The following CHST2 variants were observed in gnomAD, a reference collection of about 807,000 sequenced individuals.
CHST2 encodes N-acetylglucosamine 6-O-sulfotransferase 1.
In CHST2, 23 loss-of-function variants were observed where a neutral mutation model predicts 34.6. The ratio of observed to expected loss-of-function variants is 0.67; its 90% CI spans 0.48 to 0.94. The LOEUF is 0.94. Ranked by LOEUF, CHST2 falls within the 40% of genes least tolerant of loss-of-function variation. The pLI is 0.00. For missense variants in CHST2, 720 were observed against 759.5 expected, an observed-to-expected ratio of 0.95 and a Z score of 0.61; for synonymous variants, 392 against 343.1, an observed-to-expected ratio of 1.14 and a Z score of -1.58.
chr3:143,121,081 G>T lies in CHST2; in HGVS notation c.265G>T (p.Asp89Tyr). The change falls in exon 2 of 2, where the codon GAT becomes TAT. Residue 89 changes from aspartate to tyrosine, a missense_variant. Asp to Tyr is a radical substitution (Grantham distance 160, BLOSUM62 -3). This residue lies in a region of CHST2 where 287 missense variants were observed against 242.7 expected (regional missense o/e 1.18). Transcript: ENST00000309575. ...HKEPLQQCNP[D>Y]GPLGAAAGAA... is the part of the protein sequence containing the mutation. ...GGAGCCGCTGCAGCAGTGCAACCCC[G>T]ATGGGCCGCTGGGTGCCGCAGCGGG... 6.6e-7 allele frequency: 1 copy of T among 1,508,234 alleles called. No homozygotes were observed. The highest frequency in any genetic ancestry group is 8.8e-7 in the Non-Finnish European group (1 of 1,131,194). The allele number at this position is 1,508,234 out of a possible 1,614,324, so 93.4% of individuals were successfully genotyped here.
At position 143,122,518 on chromosome 3, in the gene CHST2, A is replaced by G. The variant is rs563568273; in HGVS notation, c.*109A>G. Reference sequence around the variant, plus strand: ...CAAACGGAGGAAGCCCACATATTCTATTATAGATATATAAATAATCACACA... The same window carrying G: ...CAAACGGAGGAAGCCCACATATTCTGTTATAGATATATAAATAATCACACA... On this transcript the variant is annotated 3_prime_UTR_variant, in exon 2 of 2. Coordinates refer to ENST00000309575, the MANE Select transcript of CHST2 (RefSeq NM_004267.5). The G allele has an allele frequency of 6.4e-5, 69 of 1,075,548 alleles. No homozygotes were observed. The highest frequency in any genetic ancestry group is 8.5e-5 in the Non-Finnish European group (66 of 772,226). 66.6% of individuals were successfully genotyped at this position (1,075,548 alleles called of 1,614,324 possible). A position where few individuals can be genotyped will look rare whatever the true frequency, so the allele number is the denominator to read the frequency against.
In CHST2 at chr3:143,121,945, G is replaced by T; in HGVS notation, c.1129G>T (p.Gly377Cys). The change falls in exon 2 of 2, where the codon GGC becomes TGC. Residue 377 changes from glycine (G) to cysteine (C), a missense_variant. This residue lies in a region of CHST2 where 224 missense variants were observed against 227.8 expected (regional missense o/e 0.98). Transcript: ENST00000309575. Reference sequence around the variant, plus strand: ...CTTGGAGGCCGCGGGCCACAAGCTTGGCGCCAAGAAGGAGGGCGTGGGCGG... The same window carrying T: ...CTTGGAGGCCGCGGGCCACAAGCTTTGCGCCAAGAAGGAGGGCGTGGGCGG... ...PFLEAAGHKL[G>C]AKKEGVGGPA... is the part of the protein sequence containing the mutation. 1.9e-6 allele frequency: 3 copies of T among 1,580,674 alleles called. No homozygotes were observed. The highest frequency in any genetic ancestry group is 2.6e-6 in the Non-Finnish European group (3 of 1,163,452).
rs529256196 is a variant in CHST2, at chr3:143,120,176, A to G, written c.-539A>G. The G allele has an allele frequency of 1.8e-3, 272 of 152,564 alleles. No homozygotes were observed. The highest frequency in any genetic ancestry group is 2.7e-3 in the Non-Finnish European group (182 of 68,304). The allele number at this position is 152,564 out of a possible 1,614,324, so 9.5% of individuals were successfully genotyped here. A position where few individuals can be genotyped will look rare whatever the true frequency, so the allele number is the denominator to read the frequency against. ...CGAAAGCGAGAGGGGCTGCGCCGCT[A>G]TGCCGGGAGCTGAGTCCCATATAAG... On this transcript the variant is annotated 5_prime_UTR_variant, in exon 1 of 2. The change abolishes an upstream ATG in the 5' untranslated region. Transcript: ENST00000309575. This position sits in a 1 kb window ranked among gnomAD's most constrained non-coding sequence, Gnocchi z 4.1.
At position 143,121,544 on chromosome 3, in the gene CHST2, A is replaced by C. The variant is rs749554644; in HGVS notation, c.728A>C (p.Asn243Thr). 6.2e-7 allele frequency: 1 copy of C among 1,610,112 alleles called. No individual in the cohort carries two copies. Among genetic ancestry groups the C allele is most frequent in the South Asian group, 1.1e-5 (1 of 90,752 alleles). ...LYSPAGSGGR[N>T]LTTLGIFGAA... ...AGCCCCGCGGGCAGCGGGGGGCGCA[A>C]CCTCACCACGCTGGGCATCTTCGGC... Residue 243 changes from asparagine (N) to threonine (T), a missense_variant, in exon 2 of 2, where the codon AAC becomes ACC. Asn to Thr is a moderately conservative substitution (Grantham distance 65). Coordinates refer to ENST00000309575, the MANE Select transcript of CHST2 (RefSeq NM_004267.5).
chr3:143,120,765 C>G lies in CHST2; in HGVS notation c.-52C>G. 8.3e-7 allele frequency: 1 copy of G among 1,204,578 alleles called. No individual in the cohort carries two copies. The highest frequency in any genetic ancestry group is 1.0e-6 in the Non-Finnish European group (1 of 971,604). 74.6% of individuals were successfully genotyped at this position (1,204,578 alleles called of 1,614,324 possible). ...AGCAGCCAGCCCGCTGCGTCCCCTT[C>G]CCGGGCTGCAGGGCTGCCTCCGCCG... On this transcript the variant is annotated 5_prime_UTR_variant, in exon 2 of 2. Transcript: ENST00000309575. The surrounding 1 kb of genome is among the most constrained non-coding windows in gnomAD (Gnocchi z 4.1).
Position 143,123,037 on chromosome 3 carries a change from C to T in CHST2, c.*628C>T, listed in dbSNP as rs1936253086. The T allele has an allele frequency of 6.0e-6, 1 of 165,664 alleles. No individual in the cohort carries two copies. 10.3% of individuals were successfully genotyped at this position (165,664 alleles called of 1,614,324 possible). ...CTCAGCTTCAGATAGAATCTCCTTC[C>T]CCTCCCTCGTTTCCATTTTTCCAGT... is the stretch of plus-strand genomic sequence containing the variant. On this transcript the variant is annotated 3_prime_UTR_variant, in exon 2 of 2. Transcript: ENST00000309575.
chr3:143,121,718 T>TAGTC lies in CHST2; in HGVS notation c.904_907dup (p.Ile303SerfsTer32). On this transcript the variant is annotated frameshift_variant, in exon 2 of 2. Coordinates refer to ENST00000309575, the MANE Select transcript of CHST2 (RefSeq NM_004267.5). LOFTEE classifies it high-confidence loss of function. ...GAGGAGTGCCGCAAGTACCGCACAC[T>TAGTC]AGTCATAAAGGGTGTGCGCGTCTTC... 6.3e-7 allele frequency: 1 copy of TAGTC among 1,593,630 alleles called. No individual in the cohort carries two copies. The highest frequency in any genetic ancestry group is 8.6e-7 in the Non-Finnish European group (1 of 1,168,438).
Position 143,122,129 on chromosome 3 carries a change from G to C in CHST2, c.1313G>C (p.Arg438Thr). The change falls in exon 2 of 2, where the codon AGA becomes ACA. Residue 438 changes from arginine to threonine, a missense_variant. This residue lies in a region of CHST2 where 224 missense variants were observed against 227.8 expected (regional missense o/e 0.98). Transcript: ENST00000309575. ...LVGDPVKTLR[R>T]VYDFVGLLVS... ...GGAGACCCCGTCAAGACACTACGGA[G>C]AGTGTACGATTTTGTGGGACTGTTG... 1 of 1,614,226 alleles carries C rather than the reference G, an allele frequency of 6.2e-7. No homozygotes were observed. The highest frequency in any genetic ancestry group is 1.1e-5 in the South Asian group (1 of 91,084).
chr3:143,121,995 C>T lies in CHST2; in HGVS notation c.1179C>T (p.Gly393=), dbSNP rs372053534. The T allele has an allele frequency of 8.1e-6, 13 of 1,605,606 alleles. No homozygotes were observed. Among genetic ancestry groups the T allele is most frequent in the Middle Eastern group, 3.3e-4 (2 of 6,028 alleles). Residue 393 remains glycine (G), a synonymous_variant, in exon 2 of 2, where the codon GGC becomes GGT. Transcript: ENST00000309575. ...VGGPADYHAL[G]AMEVICNSMA... Reference sequence around the variant, plus strand: ...GCCCCGCAGACTACCACGCTCTGGGCGCTATGGAGGTCATCTGCAATAGTA... The same window carrying T: ...GCCCCGCAGACTACCACGCTCTGGGTGCTATGGAGGTCATCTGCAATAGTA...
chr3:143,121,123 TG>T lies in CHST2; in HGVS notation c.312del (p.Arg105AlafsTer116). On this transcript the variant is annotated frameshift_variant, in exon 2 of 2. Coordinates refer to ENST00000309575, the MANE Select transcript of CHST2 (RefSeq NM_004267.5). LOFTEE classifies it high-confidence loss of function. Reference protein sequence around the residue: ...GAAAGAAGGSWGRPGPPPAGP... With the variant: ...GAAAGAAGGSXGRPGPPPAGP... ...CGCAGCGGGGGCAGCCGGAGGCAGCTGGGGGCGCCCAGGGCCGCCTCCGGCC... is the reference window on the plus strand; with the variant it reads ...CGCAGCGGGGGCAGCCGGAGGCAGCTGGGGCGCCCAGGGCCGCCTCCGGCC... 6.8e-7 allele frequency: 1 copy of T among 1,477,736 alleles called. No individual in the cohort carries two copies. The highest frequency in any genetic ancestry group is 8.9e-7 in the Non-Finnish European group (1 of 1,121,540). The allele number at this position is 1,477,736 out of a possible 1,614,324, so 91.5% of individuals were successfully genotyped here.
At position 143,123,711 on chromosome 3, in the gene CHST2, C is replaced by T. The variant is rs2108352454; in HGVS notation, c.*1302C>T. ...ATCATGTTTCCTAAAAGTAAATTTG[C>T]AAAGAAAGTAACATGCTGCAGACAG... On this transcript the variant is annotated 3_prime_UTR_variant, in exon 2 of 2. Transcript: ENST00000309575. 6.6e-6 allele frequency: 1 copy of T among 152,222 alleles called. No individual in the cohort carries two copies. Among genetic ancestry groups the T allele is most frequent in the East Asian group, 1.9e-4 (1 of 5,192 alleles). The allele number at this position is 152,222 out of a possible 1,614,324, so 9.4% of individuals were successfully genotyped here.
chr3:143,122,298 G>A lies in CHST2; in HGVS notation c.1482G>A (p.Gln494=), dbSNP rs1936237543. ...RTALTFQQIK[Q]VEEFCYQPMA... ...CCCTCACCTTCCAGCAGATCAAACAGGTGGAGGAGTTTTGCTACCAGCCCA... is the reference window on the plus strand; with the variant it reads ...CCCTCACCTTCCAGCAGATCAAACAAGTGGAGGAGTTTTGCTACCAGCCCA... The change falls in exon 2 of 2, where the codon CAG becomes CAA. Residue 494 remains glutamine (Q), a synonymous_variant. Coordinates refer to ENST00000309575, the MANE Select transcript of CHST2 (RefSeq NM_004267.5). The A allele has an allele frequency of 1.2e-6, 2 of 1,614,024 alleles. No homozygotes were observed. Among genetic ancestry groups the A allele is most frequent in the Non-Finnish European group, 8.5e-7 (1 of 1,180,038 alleles).
In CHST2 at chr3:143,120,745, C is replaced by T. The variant is rs1301845446; in HGVS notation, c.-72C>T. ...GCGGCCCGAGTCCCGGCGCCAGCAG[C>T]CAGCCCGCTGCGTCCCCTTCCCGGG... is the stretch of plus-strand genomic sequence containing the variant. On this transcript the variant is annotated 5_prime_UTR_variant, in exon 2 of 2. Coordinates refer to ENST00000309575, the MANE Select transcript of CHST2 (RefSeq NM_004267.5). The surrounding 1 kb of genome is among the most constrained non-coding windows in gnomAD (Gnocchi z 4.1). The T allele has an allele frequency of 1.7e-6, 2 of 1,186,230 alleles. No individual in the cohort carries two copies. The highest frequency in any genetic ancestry group is 2.1e-6 in the Non-Finnish European group (2 of 957,826). The allele number at this position is 1,186,230 out of a possible 1,614,324, so 73.5% of individuals were successfully genotyped here.
At position 143,121,768 on chromosome 3, in the gene CHST2, C is replaced by T; in HGVS notation, c.952C>T (p.Leu318=). The T allele has an allele frequency of 6.2e-7, 1 of 1,606,618 alleles. No individual in the cohort carries two copies. The highest frequency in any genetic ancestry group is 8.5e-7 in the Non-Finnish European group (1 of 1,176,544). Residue 318 remains leucine, a synonymous_variant, in exon 2 of 2, where the codon CTG becomes TTG. Coordinates refer to ENST00000309575, the MANE Select transcript of CHST2 (RefSeq NM_004267.5). The part of the protein sequence containing the change: ...VFDVAVLAPL[L]RDPALDLKVI... ...CGACGTGGCGGTCTTGGCGCCACTG[C>T]TGCGAGACCCGGCCCTGGACCTCAA... is the stretch of plus-strand genomic sequence containing the variant.
rs778914197 is a variant in CHST2 at position 143,121,551 on chromosome 3, C to T, written c.735C>T (p.Thr245=). 2 of 1,610,338 alleles carry T rather than the reference C, an allele frequency of 1.2e-6. No homozygotes were observed. The highest frequency in any genetic ancestry group is 4.5e-5 in the East Asian group (2 of 44,776). The change falls in exon 2 of 2, where the codon ACC becomes ACT. Residue 245 remains threonine, a synonymous_variant. Coordinates refer to ENST00000309575, the MANE Select transcript of CHST2 (RefSeq NM_004267.5). ...SPAGSGGRNL[T]TLGIFGAATN... ...CGGGCAGCGGGGGGCGCAACCTCAC[C>T]ACGCTGGGCATCTTCGGCGCAGCCA...
Position 143,122,307 on chromosome 3 carries a change from G to C in CHST2, c.1491G>C (p.Glu497Asp), listed in dbSNP as rs1936237698. The C allele has an allele frequency of 6.2e-7, 1 of 1,614,138 alleles. No homozygotes were observed. Among genetic ancestry groups the C allele is most frequent in the African/African-American group, 1.3e-5 (1 of 75,064 alleles). ...LTFQQIKQVEEFCYQPMAVLG... is the reference protein window; with the variant it reads ...LTFQQIKQVEDFCYQPMAVLG... ...TCCAGCAGATCAAACAGGTGGAGGA[G>C]TTTTGCTACCAGCCCATGGCCGTCC... is the stretch of plus-strand genomic sequence containing the variant. Residue 497 changes from glutamate to aspartate, a missense_variant, in exon 2 of 2, where the codon GAG (glutamate) becomes GAC (aspartate). By Grantham distance (45) the Glu-to-Asp change is conservative. Transcript: ENST00000309575.
chr3:143,123,963 A>G lies in CHST2; in HGVS notation c.*1554A>G, dbSNP rs560578895. The G allele has an allele frequency of 1.7e-3, 256 of 152,382 alleles. 1 individual carries two copies. Among genetic ancestry groups the G allele is most frequent in the African/African-American group, 6.0e-3 (248 of 41,594 alleles). 9.4% of individuals were successfully genotyped at this position (152,382 alleles called of 1,614,324 possible). A position where few individuals can be genotyped will look rare whatever the true frequency, so the allele number is the denominator to read the frequency against. On this transcript the variant is annotated 3_prime_UTR_variant, in exon 2 of 2. Transcript: ENST00000309575. ...GAAATTGTGAAGCCCAAATGGGAAC[A>G]AGAGACAGTGTAGTTGTATATGACA...
At position 143,123,099 on chromosome 3, in the gene CHST2, A is replaced by G. The variant is rs949885395; in HGVS notation, c.*690A>G. The G allele has an allele frequency of 3.8e-5, 6 of 158,146 alleles. No individual in the cohort carries two copies. The highest frequency in any genetic ancestry group is 8.8e-5 in the Non-Finnish European group (6 of 68,038). 9.8% of individuals were successfully genotyped at this position (158,146 alleles called of 1,614,324 possible). ...AAGGCAGCTAAACTGGGTGGGAGCA[A>G]TTTTTGCCTCCTTGGTAATAACCTG... On this transcript the variant is annotated 3_prime_UTR_variant, in exon 2 of 2. Coordinates refer to ENST00000309575, the MANE Select transcript of CHST2 (RefSeq NM_004267.5).
In CHST2 at chr3:143,121,216, G is replaced by A. The variant is rs776782047; in HGVS notation, c.400G>A (p.Gly134Arg). The stretch of plus-strand genomic sequence containing the variant: ...TTACCGCCCTCCCGCTGCCGCCGTC[G>A]GGGCGGCTCCTGCAGCCGCGGCAGG... ...TPYRPPAAAV[G>R]AAPAAAAGMA... Residue 134 changes from glycine to arginine, a missense_variant, in exon 2 of 2, where the codon GGG (glycine) becomes AGG (arginine). Physicochemically the swap from Gly to Arg is moderately radical, Grantham distance 125 (BLOSUM62 -2). This residue lies in a region of CHST2 where 287 missense variants were observed against 242.7 expected (regional missense o/e 1.18). Coordinates refer to ENST00000309575, the MANE Select transcript of CHST2 (RefSeq NM_004267.5). 1.3e-6 allele frequency: 2 copies of A among 1,571,188 alleles called. No individual in the cohort carries two copies. Among genetic ancestry groups the A allele is most frequent in the African/African-American group, 2.7e-5 (2 of 74,156 alleles).
Sources: allele counts gnomAD v4.1 joint callset, GRCh38; gene constraint gnomAD v4.1.1; regional missense constraint gnomAD v4.1.1; non-coding constraint Gnocchi (gnomAD v3.1); transcripts MANE v1.5; gene names NCBI Gene and HGNC (gene_info 2026-07-23, HGNC 2026-07-21).